Variants in SLF1 observed in about 807,000 individuals in gnomAD.
The protein encoded by SLF1 is SMC5/6 complex localization factor 1.
Under a neutral mutation model 123.0 loss-of-function variants are expected in SLF1, and 105 were observed. That is an observed-to-expected ratio of 0.85 (90% CI 0.73 to 1.00). The LOEUF is 1.00. SLF1 is among the 50% of genes least tolerant of loss of function. The pLI is 0.00. For missense variants in SLF1, 1,239 were observed against 1,223.0 expected (o/e 1.01, Z -0.20); for synonymous variants, 434 against 406.6 (o/e 1.07, Z -0.81).
chr5:94,657,223 A>G (rs956256795), intron 9 of SLF1, among the ~76,000 whole-genome samples: 3 of 151,762 alleles, frequency 2.0e-5, no homozygotes, highest in East Asian at 1.9e-4. Context: ...GCTGTATTCT[A>G]TAGGTTTTGG....
intron 11 of SLF1, among the ~76,000 whole-genome samples, chr5:94,665,049 A>G (rs1337121434): frequency 6.6e-6 from 1 of 152,212 alleles, no homozygotes; most frequent in East Asian, 1.9e-4. Flanking sequence ...TAATTAATAC[A>G]ATAACTAATA....
At chr5:94,693,153 G>T (rs1753219625) in intron 20 of SLF1, among the ~76,000 whole-genome samples, 2 of 151,990 alleles carry the variant, frequency 1.3e-5, no homozygotes, top group African/African-American at 4.8e-5. Context: ...TGTCTTTTTA[G>T]TATATATGCA....
chr5:94,681,327 T>C (rs1751741045), intron 15 of SLF1, among the ~76,000 whole-genome samples: 1 of 152,092 alleles, frequency 6.6e-6, no homozygotes, highest in Non-Finnish European at 1.5e-5. Flanking sequence ...GATGGGGGTT[T>C]CACCATGTTT....
intron 1 of SLF1, among the ~76,000 whole-genome samples, chr5:94,621,309 TAGC>T (rs1293066906): frequency 8.5e-5 from 13 of 152,222 alleles, no homozygotes; most frequent in Non-Finnish European, 1.5e-4. Context: ...TACCATTTAC[TAGC>T]TGTGTACCCT....
chr5:94,659,920 G>T (rs553747039), intron 9 of SLF1, among the ~76,000 whole-genome samples: 2 of 152,084 alleles, frequency 1.3e-5, no homozygotes, highest in Non-Finnish European at 2.9e-5. Flanking sequence ...GCCAATCCTC[G>T]GGCCCCCAAG....
At chr5:94,640,664 C>G (rs574158793) in intron 4 of SLF1, among the ~76,000 whole-genome samples, 13 of 151,702 alleles carry the variant, frequency 8.6e-5, no homozygotes, top group African/African-American at 2.7e-4. Context: ...ATGCTTTGTT[C>G]TTTTTTTAAA....
chr5:94,657,784 T>C (rs1748587380), intron 9 of SLF1, among the ~76,000 whole-genome samples: 1 of 152,132 alleles, frequency 6.6e-6, no homozygotes, highest in Non-Finnish European at 1.5e-5. Flanking sequence ...TTGATCTTTT[T>C]ATCAGTATGT....
chr5:94,624,981 T>C (rs1390153394), intron 1 of SLF1, among the ~76,000 whole-genome samples: 1 of 150,982 alleles, frequency 6.6e-6, no homozygotes, highest in Non-Finnish European at 1.5e-5. Flanking sequence ...GGTCAGGAGA[T>C]CGAGACCATC....
At chr5:94,638,859 A>C (rs1746112946) in intron 4 of SLF1, among the ~76,000 whole-genome samples, 3 of 152,140 alleles carry the variant, frequency 2.0e-5, no homozygotes, top group African/African-American at 7.2e-5. Context: ...ATCATTTTGT[A>C]TTCTTTTACT....
chr5:94,630,816 A>AT, intron 4 of SLF1, 73 bp downstream of exon 4: 9 of 1,472,030 alleles, frequency 6.1e-6, no homozygotes, highest in South Asian at 2.7e-5. Flanking sequence ...TACTTTCTGT[A>AT]TTTTTTTGCA....
chr5:94,694,702 C>A, intron 20 of SLF1, 129 bp from the exon 21 acceptor site: 2 of 1,190,846 alleles, frequency 1.7e-6, no homozygotes, highest in Admixed American at 2.8e-5. Flanking sequence ...TTAATTGTGT[C>A]GACATGAATT....
intron 6 of SLF1, among the ~76,000 whole-genome samples, chr5:94,651,181 C>T (rs1429080463): frequency 6.6e-6 from 1 of 152,102 alleles, no homozygotes; most frequent in Non-Finnish European, 1.5e-5. Flanking sequence ...AACTTAGGAG[C>T]GATAGACCAT....
intron 19 of SLF1, 126 bp from the exon 20 acceptor site, chr5:94,691,948 C>A: frequency 1.2e-6 from 1 of 831,966 alleles, no homozygotes; most frequent in Non-Finnish European, 1.8e-6. Flanking sequence ...ACATTTTTAT[C>A]ACAGCATTCT....
At chr5:94,636,293 C>T (rs1184192901) in intron 4 of SLF1, among the ~76,000 whole-genome samples, 2 of 152,122 alleles carry the variant, frequency 1.3e-5, no homozygotes, top group African/African-American at 2.4e-5. Context: ...TTAGAAACCA[C>T]GATGCTTCTT....
chr5:94,670,976 TA>T lies in SLF1; in HGVS notation c.1796del (p.Tyr599PhefsTer17), dbSNP rs1162931773. The stretch of plus-strand genomic sequence containing the variant: ...AAATATGCTTTTGGAATGGACTATA[TA>T]TTCTCACAAGGAAAAATTCAAGTCT... ...PVNMLLEWTI[Y>X]SHKEKFKSND... On this transcript the variant is annotated frameshift_variant, in exon 14 of 21. Transcript: ENST00000265140. LOFTEE classifies it high-confidence loss of function. 5 of 1,548,088 alleles carry T rather than the reference TA, an allele frequency of 3.2e-6. No homozygotes were observed. Among genetic ancestry groups the T allele is most frequent in the Non-Finnish European group, 4.4e-6 (5 of 1,144,488 alleles).
At chr5:94,691,794 A>T in intron 19 of SLF1, 138 bp downstream of exon 19, 1 of 734,626 alleles carries the variant, frequency 1.4e-6, no homozygotes, top group Non-Finnish European at 2.0e-6. Context: ...TTCTTAGCAA[A>T]GCCAAGAAAT....
Position 94,695,316 on chromosome 5 carries a change from T to C in SLF1, c.*4T>C. 1 of 1,596,890 alleles carries C rather than the reference T, an allele frequency of 6.3e-7. No homozygotes were observed. Among genetic ancestry groups the C allele is most frequent in the Non-Finnish European group, 8.5e-7 (1 of 1,170,516 alleles). ...GTCAGTCATGGAGTTTTCATGATGA[T>C]GCTAGAAAGTATGGATTGACTTTCT... On this transcript the variant is annotated 3_prime_UTR_variant, in exon 21 of 21. Transcript: ENST00000265140.
chr5:94,654,777 T>G (rs1376888855), intron 9 of SLF1, 25 bp downstream of exon 9: 3 of 1,472,830 alleles, frequency 2.0e-6, no homozygotes. Flanking sequence ...ATGAAAAATT[T>G]TGTATAATAT....
chr5:94,620,036 G>T (rs1297679274), intron 1 of SLF1: 1 of 152,004 alleles, frequency 6.6e-6, no homozygotes, highest in Non-Finnish European at 1.5e-5. Flanking sequence ...GCGACACCAC[G>T]CCCGACTAAT....
Sources: allele counts gnomAD v4.1 joint callset (sites outside exome capture counted in the v4.1 genomes callset), GRCh38; gene constraint gnomAD v4.1.1; transcripts MANE v1.5; gene names NCBI Gene and HGNC (gene_info 2026-07-23, HGNC 2026-07-21).